CALN1: variants seen among roughly 807,000 people sequenced by gnomAD.
The protein encoded by CALN1 is calcium-binding protein 8.
A neutral mutation model predicts 30.6 loss-of-function variants in CALN1; 17 were observed. The ratio of observed to expected loss-of-function variants is 0.56; its 90% CI spans 0.38 to 0.83. CALN1 has a LOEUF of 0.83. Among genes scored for constraint, CALN1 ranks in the 40% least tolerant of loss-of-function variants. The probability of loss-of-function intolerance (pLI) is 0.00; values close to 1 mark genes in which losing one functional copy is unlikely to be tolerated. For synonymous variants in CALN1, 156 were observed against 131.4 expected (o/e 1.19, Z -1.28); for missense variants, 291 against 354.9 (o/e 0.82, Z 1.45).
At chr7:71,885,441 C>T (rs978466586) in intron 5 of CALN1, among the ~76,000 whole-genome samples, 30 of 152,184 alleles carry the variant, frequency 2.0e-4, no homozygotes, top group African/African-American at 5.3e-4. Flanking sequence ...CGTGAGCCAC[C>T]GCCCCCAGCC....
intron 3 of CALN1, among the ~76,000 whole-genome samples, chr7:72,178,508 T>C (rs1450772511): frequency 6.6e-6 from 1 of 152,062 alleles, no homozygotes; most frequent in Non-Finnish European, 1.5e-5. Context: ...CTGACCAACA[T>C]GGTGAAACCC....
chr7:72,061,028 G>A (rs1456716212), intron 4 of CALN1, among the ~76,000 whole-genome samples: 1 of 152,202 alleles, frequency 6.6e-6, no homozygotes, highest in African/African-American at 2.4e-5. Context: ...CCAACGGGTG[G>A]AGCACGAGCA....
chr7:71,822,960 G>A (rs1285028883), intron 5 of CALN1, among the ~76,000 whole-genome samples: 1 of 152,122 alleles, frequency 6.6e-6, no homozygotes, highest in Non-Finnish European at 1.5e-5. Flanking sequence ...TAAACTAAGT[G>A]CCTGATTGTC....
chr7:72,183,907 CT>C (rs900753487), intron 3 of CALN1, among the ~76,000 whole-genome samples: 16 of 150,122 alleles, frequency 1.1e-4, no homozygotes, highest in South Asian at 2.1e-4. Context: ...GAAAAACTGA[CT>C]TTTTTTTTTC....
At chr7:72,360,273 T>C (rs1803494641) in intron 2 of CALN1, among the ~76,000 whole-genome samples, 1 of 152,126 alleles carries the variant, frequency 6.6e-6, no homozygotes. Context: ...TGCTAAATAT[T>C]TAATGGTGAA....
intron 1 of CALN1, among the ~76,000 whole-genome samples, chr7:72,432,665 G>A (rs949513752): frequency 6.6e-6 from 1 of 152,018 alleles, no homozygotes; most frequent in African/African-American, 2.4e-5. Flanking sequence ...ATTATGTCCT[G>A]TAATTGGATA....
chr7:72,504,200 T>C, the CALN1 span, among the ~76,000 whole-genome samples: 2 of 152,186 alleles, frequency 1.3e-5, no homozygotes, highest in Admixed American at 1.3e-4. Context: ...TGTGCCCGGC[T>C]TCATAGGCAA....
the CALN1 span, among the ~76,000 whole-genome samples, chr7:72,486,928 A>G: frequency 2.0e-5 from 3 of 152,288 alleles, no homozygotes; most frequent in Admixed American, 1.3e-4. Flanking sequence ...GGCAACATTT[A>G]TTTTGCTTCC....
intron 4 of CALN1, among the ~76,000 whole-genome samples, chr7:72,037,736 A>G (rs575448041): frequency 6.6e-6 from 1 of 151,958 alleles, no homozygotes; most frequent in East Asian, 2.0e-4. Flanking sequence ...GTGGGTGGGG[A>G]ATGGGGAGCT....
At chr7:72,486,460 C>T in the CALN1 span, among the ~76,000 whole-genome samples, 1 of 152,028 alleles carries the variant, frequency 6.6e-6, no homozygotes, top group Non-Finnish European at 1.5e-5. Flanking sequence ...TAACCTCTGT[C>T]TTCTGGGTTC....
intron 3 of CALN1, among the ~76,000 whole-genome samples, chr7:72,114,713 G>T (rs1807841095): frequency 6.6e-6 from 1 of 151,600 alleles, no homozygotes; most frequent in Non-Finnish European, 1.5e-5. Flanking sequence ...GGAGGCTGGG[G>T]CTAGGCATGG....
At chr7:72,024,955 C>G (rs1243901987) in intron 4 of CALN1, among the ~76,000 whole-genome samples, 1 of 152,128 alleles carries the variant, frequency 6.6e-6, no homozygotes, top group African/African-American at 2.4e-5. Context: ...TTAGGCAGAA[C>G]TGGTCGAACT....
At chr7:72,117,239 C>T (rs1448751528) in intron 3 of CALN1, among the ~76,000 whole-genome samples, 1 of 152,114 alleles carries the variant, frequency 6.6e-6, no homozygotes, top group Non-Finnish European at 1.5e-5. Flanking sequence ...ATTGCTTGAA[C>T]CCAAGAGTTT....
intron 5 of CALN1, among the ~76,000 whole-genome samples, chr7:71,842,040 C>T (rs766591740): frequency 2.0e-5 from 3 of 151,992 alleles, no homozygotes; most frequent in Non-Finnish European, 4.4e-5. Flanking sequence ...TCTCCCAGCC[C>T]TTCTTGGTCA....
At chr7:71,915,840 A>T (rs1051211194) in intron 5 of CALN1, among the ~76,000 whole-genome samples, 1 of 152,244 alleles carries the variant, frequency 6.6e-6, no homozygotes, top group African/African-American at 2.4e-5. Context: ...CAATTTCTTG[A>T]GAAAGAAAAC....
chr7:72,167,485 C>A (rs1788609293), intron 3 of CALN1, among the ~76,000 whole-genome samples: 1 of 152,144 alleles, frequency 6.6e-6, no homozygotes, highest in Non-Finnish European at 1.5e-5. Context: ...GCTGGGACTA[C>A]AGGAGCCCGC....
Position 71,787,445 on chromosome 7 carries a change from ATGGCTGCTG to A in CALN1, c.*321_*329del, listed in dbSNP as rs1229839101. 7.6e-6 allele frequency: 2 copies of A among 263,660 alleles called. No individual in the cohort carries two copies. Among genetic ancestry groups the A allele is most frequent in the Non-Finnish European group, 1.5e-5 (2 of 131,638 alleles). 16.3% of individuals were successfully genotyped at this position (263,660 alleles called of 1,614,324 possible). ...CTTGCTCTCTCACCATTATACCTGG[ATGGCTGCTG>A]GAATTCCGAGATGAAGATGAAGTTT... On this transcript the variant is annotated 3_prime_UTR_variant, in exon 7 of 7. Transcript: ENST00000395275.
chr7:72,373,218 AAAGG>A (rs1804352255), intron 2 of CALN1, among the ~76,000 whole-genome samples: 1 of 152,222 alleles, frequency 6.6e-6, no homozygotes, highest in Non-Finnish European at 1.5e-5. Context: ...CACAGGAAAA[AAAGG>A]AAGTTTGGGA....
At chr7:72,367,114 A>C (rs1803923918) in intron 2 of CALN1, among the ~76,000 whole-genome samples, 1 of 152,174 alleles carries the variant, frequency 6.6e-6, no homozygotes, top group South Asian at 2.1e-4. Context: ...AATAATAAAA[A>C]AAAACAGGCA....
Sources: gnomAD v4.1 joint callset for allele counts (sites outside exome capture counted in the v4.1 genomes callset) on GRCh38, gnomAD v4.1.1 for gene constraint, MANE v1.5 for transcripts, NCBI Gene and HGNC (gene_info 2026-07-23, HGNC 2026-07-21) for gene names.